Variants in IFI16 observed in about 807,000 individuals in gnomAD.
IFI16 encodes the protein gamma-interferon-inducible protein 16.
In IFI16, 49 loss-of-function variants were observed where a neutral mutation model predicts 68.4. The ratio of observed to expected loss-of-function variants is 0.72; its 90% CI spans 0.57 to 0.91. The LOEUF (loss-of-function observed/expected upper bound fraction) is 0.91. Among genes scored for constraint, IFI16 ranks in the 40% least tolerant of loss-of-function variants. The pLI is 0.00. For missense variants in IFI16, 878 were observed against 942.9 expected, an observed-to-expected ratio of 0.93 and a Z score of 0.90; for synonymous variants, 307 against 315.0, an observed-to-expected ratio of 0.97 and a Z score of 0.27.
At chr1:159,034,147 T>C (rs1179312588) in intron 7 of IFI16, among the ~76,000 whole-genome samples, 1 of 152,178 alleles carries the variant, frequency 6.6e-6, no homozygotes, top group African/African-American at 2.4e-5. Context: ...GCATCTGGAA[T>C]TGTGGATTTT....
At chr1:159,025,178 T>G (rs1653579268) in intron 6 of IFI16, among the ~76,000 whole-genome samples, 2 of 152,172 alleles carry the variant, frequency 1.3e-5, no homozygotes, top group African/African-American at 4.8e-5. Context: ...TGGTGACGCC[T>G]CCCGCTCCAT....
intron 11 of IFI16, 53 bp from the exon 12 acceptor site, chr1:159,054,768 T>G (rs745641435): frequency 2.3e-6 from 2 of 884,950 alleles, no homozygotes; most frequent in Non-Finnish European, 1.9e-6. Flanking sequence ...AAGGGAGAAA[T>G]GTAGGATCAT....
chr1:159,027,041 G>T (rs1030071654), intron 6 of IFI16, among the ~76,000 whole-genome samples: 5 of 152,134 alleles, frequency 3.3e-5, no homozygotes, highest in African/African-American at 1.2e-4. Flanking sequence ...CTGATTACCT[G>T]GCTAGGACTT....
At chr1:159,018,092 A>G (rs2101821729) in intron 4 of IFI16, 137 bp from the exon 5 acceptor site, 1 of 670,792 alleles carries the variant, frequency 1.5e-6, no homozygotes, top group South Asian at 2.0e-5. Context: ...CTGGCTCGCA[A>G]TCCCTCTCTA....
intron 7 of IFI16, among the ~76,000 whole-genome samples, chr1:159,041,067 A>G (rs1654605844): frequency 6.6e-6 from 1 of 152,222 alleles, no homozygotes. Flanking sequence ...AGAGAGCCAC[A>G]GCACTGCAGC....
intron 6 of IFI16, among the ~76,000 whole-genome samples, chr1:159,023,116 A>AT (rs59615624): frequency 1.5e-4 from 22 of 150,256 alleles, no homozygotes; most frequent in Middle Eastern, 3.2e-3. Flanking sequence ...TTGAAGTTAA[A>AT]TTTTTTTTTT....
intron 5 of IFI16, among the ~76,000 whole-genome samples, chr1:159,019,221 A>C (rs908225709): frequency 1.3e-5 from 2 of 151,598 alleles, no homozygotes; most frequent in African/African-American, 4.9e-5. Flanking sequence ...TGATACTTGG[A>C]AAATCAGGTA....
exon 1 of IFI16, chr1:159,000,241 C>T (rs979621136): frequency 7.3e-5 from 19 of 260,716 alleles, no homozygotes; most frequent in African/African-American, 3.6e-4. Flanking sequence ...AGCACTTAAA[C>T]CTATCCAGTT....
At chr1:159,048,459 C>G (rs373109668) in intron 8 of IFI16, among the ~76,000 whole-genome samples, 1 of 151,450 alleles carries the variant, frequency 6.6e-6, no homozygotes, top group Non-Finnish European at 1.5e-5. Context: ...AAAATGTGAA[C>G]CTTTAATGAG....
chr1:159,020,777 T>C (rs1653260688), intron 6 of IFI16, among the ~76,000 whole-genome samples: 1 of 152,148 alleles, frequency 6.6e-6, no homozygotes, highest in African/African-American at 2.4e-5. Context: ...GAATTTTATG[T>C]AAACTTTTAA....
chr1:159,036,481 G>C (rs996086511), intron 7 of IFI16, among the ~76,000 whole-genome samples: 5 of 152,158 alleles, frequency 3.3e-5, no homozygotes, highest in African/African-American at 1.2e-4. Flanking sequence ...ATGATTTTTA[G>C]TGTTAGAGCC....
chr1:159,022,296 G>C (rs7535856), intron 6 of IFI16, among the ~76,000 whole-genome samples: 1 of 152,012 alleles, frequency 6.6e-6, no homozygotes, highest in African/African-American at 2.4e-5. Context: ...TTATTTGTAT[G>C]TGCAATGCTT....
intron 7 of IFI16, among the ~76,000 whole-genome samples, chr1:159,040,153 C>T (rs1340257809): frequency 6.6e-6 from 1 of 152,136 alleles, no homozygotes. Flanking sequence ...AATTAGGGAA[C>T]ATGATGTTGA....
chr1:159,028,392 AT>A lies in IFI16; in HGVS notation c.1162-4122del, dbSNP rs531096902. Among the ~76,000 whole-genome samples, 1,009 of 150,070 alleles carry A rather than the reference AT, an allele frequency of 6.7e-3. 11 individuals carry two copies. The highest frequency in any genetic ancestry group is 0.022 in the African/African-American group (903 of 40,770). On this transcript the variant is annotated intron_variant, in intron 6 of 11. Coordinates refer to ENST00000295809, the MANE Select transcript of IFI16 (RefSeq NM_001376587.1). ...TGAGAGAGTACTTGATATAATTTCA[AT>A]TTTTTTTTTAAATTTTTGAGACTTG... is the stretch of plus-strand genomic sequence containing the variant.
chr1:159,030,876 T>TGG (rs55744576), intron 6 of IFI16, among the ~76,000 whole-genome samples: 96,451 of 148,104 alleles, frequency 0.65, 34,502 homozygotes, highest in Admixed American at 0.8. Flanking sequence ...AGGTGGTGGG[T>TGG]GGGGGGGCCA....
In IFI16 at chr1:159,015,884, C is replaced by G; in HGVS notation, c.278C>G (p.Ala93Gly). ...KKEKLKVKGP[A>G]LSRKRKKEVD... ...GAATCTATTCCAGTAAAAGGACCAG[C>G]CCTATCAAGAAAGAGGAAGAAGGAA... The change falls in exon 3 of 12, where the codon GCC (alanine) becomes GGC (glycine). Residue 93 changes from alanine to glycine, a missense_variant. Transcript: ENST00000295809. The G allele has an allele frequency of 6.2e-7, 1 of 1,612,044 alleles. No individual in the cohort carries two copies. Among genetic ancestry groups the G allele is most frequent in the Non-Finnish European group, 8.5e-7 (1 of 1,178,108 alleles).
intron 6 of IFI16, among the ~76,000 whole-genome samples, chr1:159,021,596 C>A (rs966039770): frequency 6.6e-6 from 1 of 152,150 alleles, no homozygotes; most frequent in South Asian, 2.1e-4. Context: ...ATACTGACTT[C>A]TTTTCCTCTG....
intron 7 of IFI16, among the ~76,000 whole-genome samples, chr1:159,043,175 T>G (rs1157921438): frequency 6.6e-6 from 1 of 152,216 alleles, no homozygotes; most frequent in Admixed American, 6.5e-5. Context: ...TCCTGGTTCT[T>G]CTTGGGCAGA....
At chr1:159,006,794 C>G (rs1393124525), upstream of IFI16, among the ~76,000 whole-genome samples, 1 of 151,702 alleles carries the variant, frequency 6.6e-6, no homozygotes, top group Non-Finnish European at 1.5e-5. Flanking sequence ...ACCTGTTTAA[C>G]TACATTCACC....
Sources: gnomAD v4.1 joint callset for allele counts (sites outside exome capture counted in the v4.1 genomes callset) on GRCh38, gnomAD v4.1.1 for gene constraint, MANE v1.5 for transcripts, NCBI Gene and HGNC (gene_info 2026-07-23, HGNC 2026-07-21) for gene names.